NMBR: variants seen among roughly 807,000 people sequenced by gnomAD.
The protein encoded by NMBR is neuromedin B receptor.
NMBR carries 16 observed loss-of-function variants against 20.5 expected under a neutral mutation model. The ratio of observed to expected loss-of-function variants is 0.78; its 90% CI spans 0.53 to 1.19. The LOEUF (loss-of-function observed/expected upper bound fraction) is 1.19, where lower values mean the gene tolerates loss of function less well. NMBR is among the 50% of genes most tolerant of loss of function. The probability of loss-of-function intolerance (pLI) is 0.00; values close to 1 mark genes in which losing one functional copy is unlikely to be tolerated. For missense variants in NMBR, 582 were observed against 499.1 expected, an observed-to-expected ratio of 1.17 and a Z score of -1.58; for synonymous variants, 212 against 196.6, an observed-to-expected ratio of 1.08 and a Z score of -0.65.
intron 2 of NMBR, among the ~76,000 whole-genome samples, chr6:142,080,591 G>T (rs1777074903): frequency 6.6e-6 from 1 of 152,034 alleles, no homozygotes; most frequent in South Asian, 2.1e-4. Context: ...GGGGTTATAG[G>T]TATGAGCTAC....
rs1184695831 is a variant in NMBR at position 142,075,915 on chromosome 6, GT to G, written c.905del (p.His302ProfsTer2). The G allele has an allele frequency of 1.2e-6, 2 of 1,613,954 alleles. No homozygotes were observed. Among genetic ancestry groups the G allele is most frequent in the Non-Finnish European group, 1.7e-6 (2 of 1,179,974 alleles). On this transcript the variant is annotated frameshift_variant, in exon 4 of 4. Coordinates refer to ENST00000258042, the MANE Select transcript of NMBR (RefSeq NM_002511.4). LOFTEE classifies it high-confidence loss of function. ...NYNEIDPSLG[H>X]MIVTLVARVL... Reference sequence around the variant, plus strand: ...CCCGGGCAACTAAGGTGACAATCATGTGGCCTAGAGATGGATCAATCTCATT... The same window carrying G: ...CCCGGGCAACTAAGGTGACAATCATGGGCCTAGAGATGGATCAATCTCATT...
intron 1 of NMBR, among the ~76,000 whole-genome samples, chr6:142,143,818 A>G (rs1778391594): frequency 1.3e-5 from 2 of 151,508 alleles, no homozygotes; most frequent in South Asian, 4.2e-4. Context: ...GACTTACACT[A>G]CATACTCTGA....
At chr6:142,141,955 A>C (rs1160366037) in intron 1 of NMBR, among the ~76,000 whole-genome samples, 1 of 152,222 alleles carries the variant, frequency 6.6e-6, no homozygotes, top group Non-Finnish European at 1.5e-5. Flanking sequence ...AAAACTTATA[A>C]ATTTCTGGTT....
intron 1 of NMBR, among the ~76,000 whole-genome samples, chr6:142,142,475 T>C (rs1387634314): frequency 1.3e-5 from 2 of 152,152 alleles, no homozygotes; most frequent in East Asian, 3.8e-4. Flanking sequence ...CCATTTATAA[T>C]GAAACAAACC....
intron 1 of NMBR, among the ~76,000 whole-genome samples, chr6:142,141,736 C>G (rs1219265655): frequency 3.9e-5 from 6 of 152,044 alleles, no homozygotes; most frequent in African/African-American, 1.2e-4. Context: ...AACTCCTGAC[C>G]CCGCGATTCA....
At chr6:142,099,634 G>A (rs1777523603) in intron 1 of NMBR, among the ~76,000 whole-genome samples, 1 of 151,726 alleles carries the variant, frequency 6.6e-6, no homozygotes, top group Admixed American at 6.6e-5. Context: ...TATCAACTTG[G>A]GTATATCGAT....
At chr6:142,142,552 T>G (rs1778376662) in intron 1 of NMBR, among the ~76,000 whole-genome samples, 1 of 152,066 alleles carries the variant, frequency 6.6e-6, no homozygotes, top group African/African-American at 2.4e-5. Context: ...CTAAGGAAAC[T>G]TACAGAAATT....
Position 142,088,413 on chromosome 6 carries a change from G to A in NMBR, c.246C>T (p.Ile82=), listed in dbSNP as rs1582840319. ...GCAAGTCCCCGGCCGCCAGGTTAGAGATGAAGATGTTGGGGACGCTCCTCA... is the reference window on the plus strand; with the variant it reads ...GCAAGTCCCCGGCCGCCAGGTTAGAAATGAAGATGTTGGGGACGCTCCTCA... The part of the protein sequence containing the change: ...SAMRSVPNIF[I]SNLAAGDLLL... Residue 82 remains isoleucine, a synonymous_variant, in exon 2 of 4, where the codon ATC becomes ATT. Coordinates refer to ENST00000258042, the MANE Select transcript of NMBR (RefSeq NM_002511.4). 1 of 1,614,148 alleles carries A rather than the reference G, an allele frequency of 6.2e-7. No individual in the cohort carries two copies. Among genetic ancestry groups the A allele is most frequent in the Non-Finnish European group, 8.5e-7 (1 of 1,180,022 alleles).
At chr6:142,101,385 GA>G (rs1357069226) in intron 1 of NMBR, among the ~76,000 whole-genome samples, 2 of 152,222 alleles carry the variant, frequency 1.3e-5, no homozygotes, top group East Asian at 3.9e-4. Flanking sequence ...ATTGATCATT[GA>G]TCAAAATTTT....
chr6:142,142,329 G>A (rs1778373780), intron 1 of NMBR, among the ~76,000 whole-genome samples: 1 of 152,098 alleles, frequency 6.6e-6, no homozygotes, highest in African/African-American at 2.4e-5. Flanking sequence ...TTTCATGTAA[G>A]GAGGCTAGCA....
At chr6:142,090,383 A>G (rs995999945) in intron 1 of NMBR, among the ~76,000 whole-genome samples, 1 of 151,880 alleles carries the variant, frequency 6.6e-6, no homozygotes, top group Non-Finnish European at 1.5e-5. Flanking sequence ...GATATTGCCC[A>G]CCAAGAGCAC....
chr6:142,077,224 G>A (rs1336681384), intron 3 of NMBR, among the ~76,000 whole-genome samples: 1 of 152,182 alleles, frequency 6.6e-6, no homozygotes, highest in Non-Finnish European at 1.5e-5. Flanking sequence ...TTATTTCTCA[G>A]CAGATGTCAA....
At chr6:142,093,121 G>T (rs1377887172) in intron 1 of NMBR, among the ~76,000 whole-genome samples, 1 of 151,294 alleles carries the variant, frequency 6.6e-6, no homozygotes, top group Non-Finnish European at 1.5e-5. Context: ...GAAACCTGAT[G>T]GTATCTTAGA....
At chr6:142,085,574 C>A (rs1331079291) in intron 2 of NMBR, among the ~76,000 whole-genome samples, 1 of 152,086 alleles carries the variant, frequency 6.6e-6, no homozygotes, top group African/African-American at 2.4e-5. Flanking sequence ...ATCTGACCAC[C>A]CTTTGGCCAT....
At chr6:142,087,540 G>T (rs574162649) in intron 2 of NMBR, among the ~76,000 whole-genome samples, 1 of 152,226 alleles carries the variant, frequency 6.6e-6, no homozygotes, top group Admixed American at 6.5e-5. Flanking sequence ...ACTAGTTGAT[G>T]TGCAAAATAG....
intron 1 of NMBR, among the ~76,000 whole-genome samples, chr6:142,120,641 T>A (rs1354710148): frequency 1.3e-5 from 2 of 151,946 alleles, no homozygotes; most frequent in Non-Finnish European, 2.9e-5. Context: ...GACCTTGTAA[T>A]GCAAGATCTA....
intron 2 of NMBR, among the ~76,000 whole-genome samples, chr6:142,080,702 T>C (rs1414421026): frequency 6.6e-6 from 1 of 152,194 alleles, no homozygotes; most frequent in Non-Finnish European, 1.5e-5. Context: ...TCTCTCCCAA[T>C]AAATTTGCAT....
At chr6:142,081,539 G>T (rs952429975) in intron 2 of NMBR, among the ~76,000 whole-genome samples, 26 of 152,244 alleles carry the variant, frequency 1.7e-4, no homozygotes, top group Admixed American at 9.8e-4. Context: ...TAAAAGGGGA[G>T]AATTGAAAAT....
At chr6:142,124,194 G>A (rs1424587002) in intron 1 of NMBR, among the ~76,000 whole-genome samples, 1 of 151,818 alleles carries the variant, frequency 6.6e-6, no homozygotes, top group African/African-American at 2.4e-5. Context: ...GAAACCCCAA[G>A]AAGATGAGGA....
Sources: allele counts gnomAD v4.1 joint callset (sites outside exome capture counted in the v4.1 genomes callset), GRCh38; gene constraint gnomAD v4.1.1; transcripts MANE v1.5; gene names NCBI Gene and HGNC (gene_info 2026-07-23, HGNC 2026-07-21).